Variants in CAST observed in about 807,000 individuals in gnomAD.
CAST encodes MIR583 host.
CAST carries 76 observed loss-of-function variants against 119.6 expected under a neutral mutation model. The observed-to-expected ratio is 0.64, with a 90% CI of 0.53 to 0.77. The LOEUF (loss-of-function observed/expected upper bound fraction) is 0.77. CAST is among the 30% of genes least tolerant of loss of function. The pLI is 0.00. For synonymous variants in CAST, 319 were observed against 331.6 expected, an observed-to-expected ratio of 0.96 and a Z score of 0.41; for missense variants, 953 against 946.5, an observed-to-expected ratio of 1.01 and a Z score of -0.09.
the CAST span, among the ~76,000 whole-genome samples, chr5:96,244,532 A>C: frequency 6.6e-6 from 1 of 152,150 alleles, no homozygotes; most frequent in Non-Finnish European, 1.5e-5. Context: ...TCACCACCAA[A>C]ATTATAGATA....
chr5:96,451,479 T>C, the CAST span, among the ~76,000 whole-genome samples: 3 of 152,110 alleles, frequency 2.0e-5, no homozygotes, highest in Non-Finnish European at 4.4e-5. Flanking sequence ...TTACAACTTA[T>C]ACAAAAATTA....
chr5:96,562,041 C>T lies in CAST; in HGVS notation c.60+32161C>T, dbSNP rs191362196. Among the ~76,000 whole-genome samples, 1,062 of 151,306 alleles carry T rather than the reference C, an allele frequency of 7.0e-3. 23 individuals carry two copies. Among genetic ancestry groups the T allele is most frequent in the African/African-American group, 0.023 (965 of 41,222 alleles). ...TCTCCTGACCTCGTGATCCGCCCGCCTCGGCCTCCCAAAGTGCTGGGATTA... is the reference window on the plus strand; with the variant it reads ...TCTCCTGACCTCGTGATCCGCCCGCTTCGGCCTCCCAAAGTGCTGGGATTA... On this transcript the variant is annotated intron_variant, in intron 1 of 11. Coordinates refer to the CAST transcript ENST00000505143.
chr5:96,197,449 A>G, the CAST span, among the ~76,000 whole-genome samples: 3 of 152,174 alleles, frequency 2.0e-5, no homozygotes, highest in Non-Finnish European at 4.4e-5. Flanking sequence ...AACTGTAGAA[A>G]ACTCCTCAAG....
chr5:96,495,914 A>C, the CAST span, among the ~76,000 whole-genome samples: 1 of 152,364 alleles, frequency 6.6e-6, no homozygotes, highest in African/African-American at 2.4e-5. Flanking sequence ...TTTCTTTAGC[A>C]GTATTTTCAA....
chr5:96,458,168 A>AC, the CAST span, among the ~76,000 whole-genome samples: 1 of 151,830 alleles, frequency 6.6e-6, no homozygotes, highest in South Asian at 2.1e-4. Context: ...TTGAAAAAAA[A>AC]TGAGACTAAT....
At chr5:96,203,048 A>G in the CAST span, among the ~76,000 whole-genome samples, 1 of 151,980 alleles carries the variant, frequency 6.6e-6, no homozygotes, top group Non-Finnish European at 1.5e-5. Context: ...CCACCTTAGC[A>G]TCTTTGTGTG....
the CAST span, among the ~76,000 whole-genome samples, chr5:96,143,449 G>A: frequency 6.6e-6 from 1 of 152,164 alleles, no homozygotes; most frequent in Non-Finnish European, 1.5e-5. Context: ...TTGCTCTCTT[G>A]CTATTGATAC....
the CAST span, among the ~76,000 whole-genome samples, chr5:95,992,933 A>G: frequency 6.6e-6 from 1 of 152,204 alleles, no homozygotes; most frequent in Non-Finnish European, 1.5e-5. Flanking sequence ...TTGAAAAAAA[A>G]TGAGGTATTT....
chr5:96,193,093 G>T, the CAST span, among the ~76,000 whole-genome samples: 1 of 152,084 alleles, frequency 6.6e-6, no homozygotes, highest in Non-Finnish European at 1.5e-5. Context: ...AAATTTAAGA[G>T]CTTATGGAAA....
At chr5:96,590,460 T>C (rs905512975) in intron 1 of CAST, among the ~76,000 whole-genome samples, 3 of 152,172 alleles carry the variant, frequency 2.0e-5, no homozygotes, top group African/African-American at 7.2e-5. Flanking sequence ...ATGGGTGGAA[T>C]TGACTTGGCC....
At chr5:96,736,306 T>C in intron 10 of CAST, 66 bp downstream of exon 10, 1 of 981,654 alleles carries the variant, frequency 1.0e-6, no homozygotes, top group South Asian at 1.5e-5. Flanking sequence ...TATCATAATC[T>C]GATTTCTTGT....
chr5:96,374,046 G>T, the CAST span, among the ~76,000 whole-genome samples: 2 of 152,004 alleles, frequency 1.3e-5, no homozygotes, highest in African/African-American at 2.4e-5. Flanking sequence ...ATGTGGAGTT[G>T]GTATAAAACA....
At chr5:96,125,434 G>A in the CAST span, among the ~76,000 whole-genome samples, 8 of 152,106 alleles carry the variant, frequency 5.3e-5, no homozygotes, top group Non-Finnish European at 7.4e-5. Context: ...AAGCTAACTC[G>A]GATAGTGAGG....
chr5:96,686,476 G>A (rs928949587), intron 2 of CAST, among the ~76,000 whole-genome samples: 7 of 152,260 alleles, frequency 4.6e-5, no homozygotes, highest in South Asian at 2.1e-4. Flanking sequence ...TCATCAGTGT[G>A]GGGGGTGCAG....
chr5:96,675,843 A>G (rs1750642930), intron 2 of CAST: 1 of 397,030 alleles, frequency 2.5e-6, no homozygotes, highest in African/African-American at 2.1e-5. Flanking sequence ...TTTGTTGCTT[A>G]GGGTGTTTTC....
At chr5:96,370,749 T>C in the CAST span, among the ~76,000 whole-genome samples, 2 of 152,194 alleles carry the variant, frequency 1.3e-5, no homozygotes, top group Non-Finnish European at 2.9e-5. Flanking sequence ...AGAGACCTGA[T>C]GTGGTGGAAT....
At chr5:96,436,436 T>A in the CAST span, among the ~76,000 whole-genome samples, 1 of 147,684 alleles carries the variant, frequency 6.8e-6, no homozygotes, top group South Asian at 2.1e-4. Flanking sequence ...GAAATCTGAA[T>A]ATGCTTTCAC....
At chr5:96,309,384 TG>T in the CAST span, among the ~76,000 whole-genome samples, 3 of 152,238 alleles carry the variant, frequency 2.0e-5, no homozygotes, top group African/African-American at 7.2e-5. Flanking sequence ...CTTAGCTTGC[TG>T]GGCCCCATAG....
At chr5:96,464,277 T>A in the CAST span, among the ~76,000 whole-genome samples, 2 of 152,040 alleles carry the variant, frequency 1.3e-5, no homozygotes, top group African/African-American at 2.4e-5. Flanking sequence ...TTATAAACTG[T>A]TTTTCTATGT....
Sources: allele counts gnomAD v4.1 joint callset (sites outside exome capture counted in the v4.1 genomes callset), GRCh38; gene constraint gnomAD v4.1.1; transcripts MANE v1.5; gene names NCBI Gene and HGNC (gene_info 2026-07-23, HGNC 2026-07-21).